PPARGC1A: variants seen among roughly 807,000 people sequenced by gnomAD.
PPARGC1A encodes PPARG coactivator 1 alpha, also known as peroxisome proliferator-activated receptor gamma coactivator 1-alpha.
A neutral mutation model predicts 88.7 loss-of-function variants in PPARGC1A; 25 were observed. The ratio of observed to expected loss-of-function variants is 0.28; its 90% CI spans 0.21 to 0.39. The LOEUF (loss-of-function observed/expected upper bound fraction) is 0.39, where lower values mean the gene tolerates loss of function less well. PPARGC1A is among the 10% of genes least tolerant of loss of function. The pLI is 1.00. For missense variants in PPARGC1A, 880 were observed against 968.7 expected (o/e 0.91, Z 1.22); for synonymous variants, 363 against 355.6 (o/e 1.02, Z -0.24).
chr4:24,461,149 C>T, the PPARGC1A span, among the ~76,000 whole-genome samples: 4 of 152,196 alleles, frequency 2.6e-5, no homozygotes, highest in Non-Finnish European at 2.9e-5. Context: ...GTCTCAAACT[C>T]CCGGCCTCAA....
chr4:23,882,682 T>C (rs1406144222), intron 2 of PPARGC1A: 2 of 152,150 alleles, frequency 1.3e-5, no homozygotes, highest in African/African-American at 4.8e-5. Context: ...ACTTCTGTTT[T>C]AGAGTGCTGA....
chr4:24,387,816 GAA>G, the PPARGC1A span, among the ~76,000 whole-genome samples: 95 of 101,594 alleles, frequency 9.4e-4, no homozygotes, highest in Middle Eastern at 0.01. Context: ...AAGAAAGAAA[GAA>G]AGAAAGAGAG....
At chr4:24,250,625 G>T in the PPARGC1A span, among the ~76,000 whole-genome samples, 1 of 152,124 alleles carries the variant, frequency 6.6e-6, no homozygotes, top group African/African-American at 2.4e-5. Context: ...AGAAGGAAGA[G>T]GAAGGAGAAG....
chr4:23,908,338 T>C (rs901818907), upstream of PPARGC1A, among the ~76,000 whole-genome samples: 1 of 152,212 alleles, frequency 6.6e-6, no homozygotes, highest in South Asian at 2.1e-4. Context: ...AGCACTTATA[T>C]GTACTGAAGC....
chr4:23,917,455 C>T, the PPARGC1A span, among the ~76,000 whole-genome samples: 3 of 150,988 alleles, frequency 2.0e-5, no homozygotes, highest in Non-Finnish European at 4.4e-5. Context: ...TCCCGAGTAG[C>T]TGGGACTACA....
At chr4:24,177,621 AAATAAAT>A in the PPARGC1A span, among the ~76,000 whole-genome samples, 10,749 of 40,634 alleles carry the variant, frequency 0.26, 452 homozygotes, top group Middle Eastern at 0.42. Context: ...AAGTATAATT[AAATAAAT>A]AAATAAATAA....
chr4:24,283,528 T>G, the PPARGC1A span, among the ~76,000 whole-genome samples: 3 of 152,242 alleles, frequency 2.0e-5, no homozygotes, highest in African/African-American at 7.2e-5. Context: ...CTCTTTAACC[T>G]GATGAACATT....
the PPARGC1A span, among the ~76,000 whole-genome samples, chr4:24,126,302 C>G: frequency 0.043 from 6,486 of 150,294 alleles, 195 homozygotes; most frequent in East Asian, 0.16. Flanking sequence ...CACACACACA[C>G]AGTCATTTTT....
chr4:23,867,684 T>C (rs1712320284), intron 2 of PPARGC1A, among the ~76,000 whole-genome samples: 1 of 152,198 alleles, frequency 6.6e-6, no homozygotes, highest in South Asian at 2.1e-4. Context: ...GTCAGAATCA[T>C]TCACAACTTC....
chr4:24,269,047 T>C, the PPARGC1A span, among the ~76,000 whole-genome samples: 2 of 152,194 alleles, frequency 1.3e-5, no homozygotes, highest in Non-Finnish European at 2.9e-5. Flanking sequence ...AATTAAGATA[T>C]GTAACTACTC....
At chr4:24,032,218 C>T in the PPARGC1A span, among the ~76,000 whole-genome samples, 1 of 152,176 alleles carries the variant, frequency 6.6e-6, no homozygotes, top group Non-Finnish European at 1.5e-5. Context: ...AACCTTTTGA[C>T]ATGGAAAAAT....
At chr4:24,245,925 GCACACACACACA>G in the PPARGC1A span, among the ~76,000 whole-genome samples, 240 of 148,476 alleles carry the variant, frequency 1.6e-3, no homozygotes, top group African/African-American at 5.3e-3. Context: ...AAAGCCATGT[GCACACACACACA>G]CACACACACA....
the PPARGC1A span, among the ~76,000 whole-genome samples, chr4:24,396,158 A>C: frequency 6.6e-6 from 1 of 152,124 alleles, no homozygotes; most frequent in African/African-American, 2.4e-5. Flanking sequence ...TGCTGTTCTC[A>C]GGTAGAGCCA....
At chr4:24,069,530 T>G in the PPARGC1A span, among the ~76,000 whole-genome samples, 1 of 152,222 alleles carries the variant, frequency 6.6e-6, no homozygotes, top group Non-Finnish European at 1.5e-5. Context: ...GTATTGTTCT[T>G]GAATTACTCA....
chr4:24,134,531 G>A, the PPARGC1A span, among the ~76,000 whole-genome samples: 3 of 152,336 alleles, frequency 2.0e-5, no homozygotes, highest in East Asian at 1.9e-4. Context: ...TGTCATGAGA[G>A]TTTTCAATGC....
the PPARGC1A span, among the ~76,000 whole-genome samples, chr4:24,351,489 A>T: frequency 6.6e-6 from 1 of 152,120 alleles, no homozygotes; most frequent in Non-Finnish European, 1.5e-5. Flanking sequence ...CGAGCAGAAG[A>T]GTGATTTGTT....
At chr4:24,401,816 G>C in the PPARGC1A span, among the ~76,000 whole-genome samples, 2 of 152,188 alleles carry the variant, frequency 1.3e-5, no homozygotes, top group Non-Finnish European at 2.9e-5. Flanking sequence ...AGGTGAGTGG[G>C]TTGGTACATG....
At chr4:24,157,769 C>T in the PPARGC1A span, among the ~76,000 whole-genome samples, 1 of 152,118 alleles carries the variant, frequency 6.6e-6, no homozygotes, top group Non-Finnish European at 1.5e-5. Context: ...CTATTCCCAC[C>T]ATTGTTGATT....
chr4:24,175,651 G>C, the PPARGC1A span, among the ~76,000 whole-genome samples: 1 of 148,984 alleles, frequency 6.7e-6, no homozygotes, highest in Non-Finnish European at 1.5e-5. Flanking sequence ...GCGTCCCAAA[G>C]TGCTGGGATT....
Sources: gnomAD v4.1 joint callset for allele counts (sites outside exome capture counted in the v4.1 genomes callset) on GRCh38, gnomAD v4.1.1 for gene constraint, MANE v1.5 for transcripts, NCBI Gene and HGNC (gene_info 2026-07-23, HGNC 2026-07-21) for gene names.